The following NKAIN2 variants were observed in gnomAD, a reference collection of about 807,000 sequenced individuals.
NKAIN2 encodes sodium/potassium transporting ATPase interacting 2.
A neutral mutation model predicts 32.6 loss-of-function variants in NKAIN2; 14 were observed. The observed-to-expected ratio is 0.43, with a 90% CI of 0.28 to 0.67. NKAIN2 has a LOEUF of 0.67. Ranked by LOEUF, NKAIN2 falls within the 30% of genes least tolerant of loss-of-function variation. The pLI, the probability that NKAIN2 is intolerant of heterozygous loss-of-function variation, is 0.17. For synonymous variants in NKAIN2, 80 were observed against 87.2 expected (o/e 0.92, Z 0.46); for missense variants, 198 against 258.3 (o/e 0.77, Z 1.60).
chr6:124,482,631 AT>A (rs1262883989), intron 3 of NKAIN2, among the ~76,000 whole-genome samples: 1 of 152,334 alleles, frequency 6.6e-6, no homozygotes, highest in Admixed American at 6.5e-5. Context: ...AACTGATTTT[AT>A]TTTATAAATA....
chr6:124,796,787 T>C (rs1780017446), intron 5 of NKAIN2, among the ~76,000 whole-genome samples: 1 of 152,148 alleles, frequency 6.6e-6, no homozygotes, highest in African/African-American at 2.4e-5. Flanking sequence ...AAGGCAGTGA[T>C]ACATCTTGGG....
intron 1 of NKAIN2, among the ~76,000 whole-genome samples, chr6:124,039,381 A>G (rs1453997746): frequency 6.6e-6 from 1 of 151,890 alleles, no homozygotes; most frequent in Non-Finnish European, 1.5e-5. Context: ...TGATTACTGC[A>G]AATGCGTTAT....
At chr6:124,604,907 C>G (rs1782442004) in intron 3 of NKAIN2, among the ~76,000 whole-genome samples, 1 of 151,936 alleles carries the variant, frequency 6.6e-6, no homozygotes, top group Non-Finnish European at 1.5e-5. Context: ...ATTCATTGCT[C>G]CATCCCAAAT....
chr6:124,428,162 T>C (rs922869619), intron 3 of NKAIN2, among the ~76,000 whole-genome samples: 1 of 152,120 alleles, frequency 6.6e-6, no homozygotes, highest in Non-Finnish European at 1.5e-5. Context: ...AGAAATTTTG[T>C]TGTTTTTAAA....
chr6:124,666,460 A>G (rs1158255723), intron 4 of NKAIN2, among the ~76,000 whole-genome samples: 1 of 152,192 alleles, frequency 6.6e-6, no homozygotes, highest in Non-Finnish European at 1.5e-5. Flanking sequence ...CTGAATAGTA[A>G]GAAGTAAGTT....
intron 3 of NKAIN2, among the ~76,000 whole-genome samples, chr6:124,454,009 A>G (rs1776221501): frequency 6.6e-6 from 1 of 151,322 alleles, no homozygotes; most frequent in Non-Finnish European, 1.5e-5. Flanking sequence ...TATGTTATTC[A>G]GTAGCTATGA....
intron 3 of NKAIN2, among the ~76,000 whole-genome samples, chr6:124,562,115 G>C (rs913931447): frequency 6.6e-6 from 1 of 152,162 alleles, no homozygotes; most frequent in Non-Finnish European, 1.5e-5. Context: ...AGTTACTTTT[G>C]AGAATCTAAC....
At chr6:124,717,488 AC>A (rs2114622601) in intron 4 of NKAIN2, among the ~76,000 whole-genome samples, 1 of 152,290 alleles carries the variant, frequency 6.6e-6, no homozygotes, top group African/African-American at 2.4e-5. Flanking sequence ...AGTTCAAATA[AC>A]TTTTGGCATA....
chr6:123,806,217 C>T (rs74845108), intron 1 of NKAIN2, among the ~76,000 whole-genome samples: 4,057 of 152,088 alleles, frequency 0.027, 102 homozygotes, highest in African/African-American at 0.032. Context: ...ACAGAATAGA[C>T]GTAGCTGTAA....
Position 123,804,242 on chromosome 6 carries a change from T to G in NKAIN2, c.42T>G (p.Cys14Trp), listed in dbSNP as rs777170271. The G allele has an allele frequency of 2.5e-6, 4 of 1,613,786 alleles. No individual in the cohort carries two copies. The highest frequency in any genetic ancestry group is 3.4e-6 in the Non-Finnish European group (4 of 1,179,724). ...GCAGGTGCACGCTTATCTTTATCTG[T>G]GGCATGCAACTGGTAAGTGACACTT... ...CSGRCTLIFI[C>W]GMQLVCVLER... Residue 14 changes from cysteine (C) to tryptophan (W), a missense_variant, in exon 1 of 7, where the codon TGT becomes TGG. By Grantham distance (215) the Cys-to-Trp change is radical. Transcript: ENST00000368417.
Position 123,941,970 on chromosome 6 carries a change from A to G in NKAIN2, c.54+137716A>G, listed in dbSNP as rs374813742. ...CTGTGGTTCTGCAATCCACCCCCAA[A>G]GCATCAGAAATAGCTGTAAAATAGC... On this transcript the variant is annotated intron_variant, in intron 1 of 6. Transcript: ENST00000368417. 5.3e-5 allele frequency among the ~76,000 whole-genome samples: 8 copies of G among 152,052 alleles called. No individual in the cohort carries two copies. The East Asian group carries it at 1.4e-3, about 26-fold the overall frequency.
intron 6 of NKAIN2, among the ~76,000 whole-genome samples, chr6:124,818,826 G>T (rs1416541821): frequency 2.6e-5 from 4 of 151,908 alleles, no homozygotes; most frequent in African/African-American, 9.7e-5. Context: ...CATATGTTCT[G>T]GTTTCAGTTT....
At chr6:124,483,670 C>T (rs184180123) in intron 3 of NKAIN2, among the ~76,000 whole-genome samples, 34 of 152,172 alleles carry the variant, frequency 2.2e-4, no homozygotes, top group Admixed American at 2.2e-3. Flanking sequence ...ATTCTATTCA[C>T]AGTTAATAAA....
chr6:124,211,854 T>G (rs1366563586), intron 1 of NKAIN2, among the ~76,000 whole-genome samples: 1 of 152,062 alleles, frequency 6.6e-6, no homozygotes, highest in Admixed American at 6.6e-5. Context: ...ATAGTGCCAA[T>G]TATACAAACT....
At chr6:124,582,032 A>G (rs564639169) in intron 3 of NKAIN2, among the ~76,000 whole-genome samples, 1 of 152,272 alleles carries the variant, frequency 6.6e-6, no homozygotes, top group Non-Finnish European at 1.5e-5. Context: ...ACAGAAATAA[A>G]TGAAACTGAA....
At position 124,331,195 on chromosome 6, in the gene NKAIN2, T is replaced by G. The variant is rs144571524; in HGVS notation, c.193-24072T>G. Reference sequence around the variant, plus strand: ...ATGATACTTTTTTTCAATTTAGAGTTAGGATCTACTGTAAAACAAAAATCG... The same window carrying G: ...ATGATACTTTTTTTCAATTTAGAGTGAGGATCTACTGTAAAACAAAAATCG... On this transcript the variant is annotated intron_variant, in intron 2 of 6. Transcript: ENST00000368417. Among the ~76,000 whole-genome samples the G allele has an allele frequency of 1.3e-5, 2 of 151,738 alleles. 1 individual carries two copies. The highest frequency in any genetic ancestry group is 3.9e-4 in the East Asian group (2 of 5,152).
At chr6:124,707,619 T>C (rs1287688657) in intron 4 of NKAIN2, among the ~76,000 whole-genome samples, 1 of 146,078 alleles carries the variant, frequency 6.8e-6, no homozygotes, top group East Asian at 2.0e-4. Context: ...TCATGTGTTT[T>C]TTGGCTGCAT....
chr6:124,483,128 A>AT (rs1777521771), intron 3 of NKAIN2, among the ~76,000 whole-genome samples: 1 of 152,120 alleles, frequency 6.6e-6, no homozygotes, highest in Non-Finnish European at 1.5e-5. Flanking sequence ...AAAAAAAAAA[A>AT]GGAAATGTGG....
chr6:124,115,723 A>C (rs1358684150), intron 1 of NKAIN2, among the ~76,000 whole-genome samples: 1 of 152,120 alleles, frequency 6.6e-6, no homozygotes, highest in Non-Finnish European at 1.5e-5. Context: ...CTAAGACACC[A>C]TCAGTTACAC....
Sources: gnomAD v4.1 joint callset for allele counts (sites outside exome capture counted in the v4.1 genomes callset) on GRCh38, gnomAD v4.1.1 for gene constraint, MANE v1.5 for transcripts, NCBI Gene and HGNC (gene_info 2026-07-23, HGNC 2026-07-21) for gene names.